Variants in CNTNAP2 observed in about 807,000 individuals in gnomAD.
CNTNAP2 encodes contactin associated protein 2, also known as contactin-associated protein-like 2.
A neutral mutation model predicts 155.2 loss-of-function variants in CNTNAP2; 98 were observed. The observed-to-expected ratio is 0.63, with a 90% confidence interval of 0.54 to 0.75. The LOEUF (loss-of-function observed/expected upper bound fraction) is 0.75, where lower values mean the gene tolerates loss of function less well. Ranked by LOEUF, CNTNAP2 falls within the 30% of genes least tolerant of loss-of-function variation. CNTNAP2 has a pLI of 0.00. For synonymous variants in CNTNAP2, 651 were observed against 631.2 expected (o/e 1.03, Z -0.47); for missense variants, 1,727 against 1,688.1 (o/e 1.02, Z -0.40).
At chr7:146,239,679 A>C (rs2116925770) in intron 1 of CNTNAP2, among the ~76,000 whole-genome samples, 1 of 152,048 alleles carries the variant, frequency 6.6e-6, no homozygotes, top group Admixed American at 6.5e-5. Context: ...ATAATGTCTT[A>C]TACTTATGTA....
intron 1 of CNTNAP2, among the ~76,000 whole-genome samples, chr7:146,250,866 T>G (rs1475120790): frequency 3.9e-5 from 6 of 152,180 alleles, no homozygotes; most frequent in Non-Finnish European, 7.3e-5. Flanking sequence ...GTATGCCTTG[T>G]AAGTATGTAA....
intron 1 of CNTNAP2, among the ~76,000 whole-genome samples, chr7:146,665,649 C>A (rs1032775564): frequency 6.6e-6 from 1 of 151,194 alleles, no homozygotes; most frequent in Non-Finnish European, 1.5e-5. Flanking sequence ...AATGTGGTGG[C>A]GCATGCCTGT....
At chr7:148,152,416 A>G (rs2116659734) in intron 17 of CNTNAP2, among the ~76,000 whole-genome samples, 1 of 152,158 alleles carries the variant, frequency 6.6e-6, no homozygotes, top group East Asian at 1.9e-4. Flanking sequence ...CTGCGTCCCA[A>G]GTCTGGATGG....
rs564344671 is a variant in CNTNAP2 at position 147,279,322 on chromosome 7, A to G, written c.1349-20819A>G. On this transcript the variant is annotated intron_variant, in intron 8 of 23. Transcript: ENST00000361727. ...TGGTGAGACGATTATTCATTCTTAA[A>G]GCTTTGACTCAGAGATAATAAATCT... Among the ~76,000 whole-genome samples the G allele has an allele frequency of 2.6e-5, 4 of 151,950 alleles. No homozygotes were observed. In the East Asian group the frequency reaches 5.8e-4, roughly 22 times the overall value.
chr7:146,258,622 T>C (rs751959613), intron 1 of CNTNAP2, among the ~76,000 whole-genome samples: 2 of 152,168 alleles, frequency 1.3e-5, no homozygotes, highest in Non-Finnish European at 2.9e-5. Context: ...CTTGTTACCA[T>C]ATATTAAGGG....
intron 1 of CNTNAP2, among the ~76,000 whole-genome samples, chr7:146,603,069 T>C (rs1798975944): frequency 6.6e-6 from 1 of 151,476 alleles, no homozygotes; most frequent in Non-Finnish European, 1.5e-5. Context: ...CTTACAGAAA[T>C]GTACAAGTAA....
intron 1 of CNTNAP2, among the ~76,000 whole-genome samples, chr7:146,474,161 A>G (rs1796839438): frequency 6.6e-6 from 1 of 151,948 alleles, no homozygotes. Flanking sequence ...GTATTTCAAT[A>G]TATTTCAGGA....
At chr7:146,872,162 A>ATTT (rs144291754) in intron 3 of CNTNAP2, among the ~76,000 whole-genome samples, 2 of 111,528 alleles carry the variant, frequency 1.8e-5, no homozygotes, top group African/African-American at 3.4e-5. Context: ...AAATTATTGA[A>ATTT]TTTTTTTTTT....
intron 1 of CNTNAP2, among the ~76,000 whole-genome samples, chr7:146,320,372 G>T (rs1212911762): frequency 6.6e-6 from 1 of 152,094 alleles, no homozygotes; most frequent in Non-Finnish European, 1.5e-5. Context: ...AGGATAAGGG[G>T]TATAAATAGT....
At chr7:146,672,701 C>T (rs1800331498) in intron 1 of CNTNAP2, among the ~76,000 whole-genome samples, 1 of 152,134 alleles carries the variant, frequency 6.6e-6, no homozygotes, top group African/African-American at 2.4e-5. Flanking sequence ...TAGTATTTCT[C>T]AAATAGGTAC....
intron 21 of CNTNAP2, among the ~76,000 whole-genome samples, chr7:148,294,146 G>A (rs564716721): frequency 1.2e-4 from 18 of 151,194 alleles, no homozygotes; most frequent in African/African-American, 4.1e-4. Context: ...CATGCCTCGA[G>A]CCCTGAACAG....
intron 21 of CNTNAP2, among the ~76,000 whole-genome samples, chr7:148,298,672 C>T (rs1340108088): frequency 6.6e-6 from 1 of 151,990 alleles, no homozygotes; most frequent in Non-Finnish European, 1.5e-5. Flanking sequence ...GAATATTAAC[C>T]ATCACACACA....
At chr7:146,696,213 A>G (rs1440415075) in intron 1 of CNTNAP2, among the ~76,000 whole-genome samples, 1 of 152,172 alleles carries the variant, frequency 6.6e-6, no homozygotes, top group African/African-American at 2.4e-5. Flanking sequence ...TAAATTTATT[A>G]AACCTATTCA....
Position 146,577,743 on chromosome 7 carries a change from A to G in CNTNAP2, c.98-196528A>G, listed in dbSNP as rs572051622. 3.3e-5 allele frequency among the ~76,000 whole-genome samples: 5 copies of G among 152,252 alleles called. No homozygotes were observed. In the South Asian group the frequency reaches 1.0e-3, roughly 32 times the overall value. ...AAAATGCACAAATTTAAACACATTAATATTTAATTTCATTTTTAATTATAA... is the reference window on the plus strand; with the variant it reads ...AAAATGCACAAATTTAAACACATTAGTATTTAATTTCATTTTTAATTATAA... On this transcript the variant is annotated intron_variant, in intron 1 of 23. Transcript: ENST00000361727.
chr7:146,729,490 T>G (rs191559983), intron 1 of CNTNAP2, among the ~76,000 whole-genome samples: 1 of 152,242 alleles, frequency 6.6e-6, no homozygotes, highest in Non-Finnish European at 1.5e-5. Context: ...AATGCACATT[T>G]ATACTGTTGT....
intron 13 of CNTNAP2, among the ~76,000 whole-genome samples, chr7:147,801,642 A>G (rs1449637758): frequency 6.6e-6 from 1 of 152,128 alleles, no homozygotes; most frequent in Non-Finnish European, 1.5e-5. Context: ...GGTTGGGGGT[A>G]AGGTCACCAA....
intron 22 of CNTNAP2, among the ~76,000 whole-genome samples, chr7:148,387,780 G>A (rs765534000): frequency 2.0e-5 from 3 of 152,112 alleles, no homozygotes; most frequent in African/African-American, 4.8e-5. Context: ...AAACCCTGAT[G>A]TCAAGACTAT....
At position 146,207,643 on chromosome 7, in the gene CNTNAP2, T is replaced by G. The variant is rs1407002866; in HGVS notation, c.97+90670T>G. Among the ~76,000 whole-genome samples, 249 of 150,696 alleles carry G rather than the reference T, an allele frequency of 1.7e-3. 1 individual carries two copies. Among genetic ancestry groups the G allele is most frequent in the African/African-American group, 5.3e-3 (218 of 41,156 alleles). On this transcript the variant is annotated intron_variant, in intron 1 of 23. Transcript: ENST00000361727. Reference sequence around the variant, plus strand: ...TCAAACAGAACAGGACTGTGTTTTTTTTTTTTTTTTTTTTTTAACTCATTC... The same window carrying G: ...TCAAACAGAACAGGACTGTGTTTTTGTTTTTTTTTTTTTTTTAACTCATTC...
chr7:146,974,100 T>C (rs775732067), intron 3 of CNTNAP2, among the ~76,000 whole-genome samples: 1 of 152,194 alleles, frequency 6.6e-6, no homozygotes, highest in Non-Finnish European at 1.5e-5. Context: ...ATCATAGTTA[T>C]GTTGTTGCCC....
Sources: gnomAD v4.1 joint callset for allele counts (sites outside exome capture counted in the v4.1 genomes callset) on GRCh38, gnomAD v4.1.1 for gene constraint, MANE v1.5 for transcripts, NCBI Gene and HGNC (gene_info 2026-07-23, HGNC 2026-07-21) for gene names.